The following CDH13 variants were observed in gnomAD, a reference collection of about 807,000 sequenced individuals.
CDH13 encodes the protein cadherin 13, also known as cadherin-13.
A neutral mutation model predicts 63.8 loss-of-function variants in CDH13; 24 were observed. The ratio of observed to expected loss-of-function variants is 0.38; its 90% CI spans 0.27 to 0.53. The LOEUF is 0.53. CDH13 is among the 20% of genes least tolerant of loss of function. The pLI is 0.85. For synonymous variants in CDH13, 503 were observed against 355.3 expected (o/e 1.42, Z -4.67); for missense variants, 1,049 against 903.1 (o/e 1.16, Z -2.07).
chr16:82,757,392 A>C (rs963511738), intron 1 of CDH13, among the ~76,000 whole-genome samples: 2 of 130,046 alleles, frequency 1.5e-5, no homozygotes, highest in Non-Finnish European at 3.5e-5. Context: ...CAGGTTTTCA[A>C]AGAATGCTTT....
At chr16:82,671,790 T>C (rs1436103579) in intron 1 of CDH13, among the ~76,000 whole-genome samples, 1 of 151,974 alleles carries the variant, frequency 6.6e-6, no homozygotes, top group East Asian at 2.0e-4. Flanking sequence ...TTCTTTGGGC[T>C]TCTTTTCTAT....
At chr16:82,973,610 C>T (rs963418662) in intron 2 of CDH13, among the ~76,000 whole-genome samples, 2 of 152,204 alleles carry the variant, frequency 1.3e-5, no homozygotes, top group African/African-American at 4.8e-5. Context: ...TGCAAGAATC[C>T]TGTTAAAGAC....
At chr16:83,488,044 T>C (rs1437200799) in intron 7 of CDH13, among the ~76,000 whole-genome samples, 1 of 152,238 alleles carries the variant, frequency 6.6e-6, no homozygotes, top group Non-Finnish European at 1.5e-5. Context: ...TTTCTCTTGG[T>C]CTAGACCTGA....
chr16:82,886,560 A>ATT (rs2040892025), intron 2 of CDH13, among the ~76,000 whole-genome samples: 1 of 65,264 alleles, frequency 1.5e-5, no homozygotes, highest in African/African-American at 7.7e-5. Context: ...ATATTTGTGC[A>ATT]ATTTTTTTTT....
At chr16:83,120,763 C>T (rs77595933) in intron 3 of CDH13, among the ~76,000 whole-genome samples, 48 of 60,218 alleles carry the variant, frequency 8.0e-4, no homozygotes, top group African/African-American at 1.6e-3. Flanking sequence ...AATTTTCTTT[C>T]TTTTTTTTTT....
chr16:82,895,900 C>G (rs1457205213), intron 2 of CDH13, among the ~76,000 whole-genome samples: 2 of 152,122 alleles, frequency 1.3e-5, no homozygotes, highest in Non-Finnish European at 2.9e-5. Flanking sequence ...CAAGATCAGC[C>G]TCCCCTCTGC....
chr16:83,057,077 C>T (rs141217871), intron 3 of CDH13, among the ~76,000 whole-genome samples: 2,307 of 152,258 alleles, frequency 0.015, 62 homozygotes, highest in African/African-American at 0.052. Flanking sequence ...AGTGATTCTC[C>T]TGCCTCAGCC....
intron 6 of CDH13, among the ~76,000 whole-genome samples, chr16:83,429,435 C>T (rs1331530101): frequency 6.6e-6 from 1 of 152,014 alleles, no homozygotes; most frequent in Non-Finnish European, 1.5e-5. Context: ...TTATCATGTC[C>T]CCTATGCCAG....
chr16:83,363,830 C>T (rs940359394), intron 6 of CDH13, among the ~76,000 whole-genome samples: 4 of 152,096 alleles, frequency 2.6e-5, no homozygotes, highest in African/African-American at 7.2e-5. Context: ...GTTATTAAAG[C>T]CACAGAGTTA....
At chr16:83,052,984 A>G (rs1317882926) in intron 3 of CDH13, among the ~76,000 whole-genome samples, 1 of 152,128 alleles carries the variant, frequency 6.6e-6, no homozygotes, top group Non-Finnish European at 1.5e-5. Context: ...GAGGCAATGC[A>G]GTGAGACCAT....
intron 6 of CDH13, among the ~76,000 whole-genome samples, chr16:83,359,526 C>G (rs2091121991): frequency 6.6e-6 from 1 of 152,146 alleles, no homozygotes; most frequent in Admixed American, 6.6e-5. Context: ...AATTCTAGTC[C>G]TGGCTCCTTC....
At chr16:83,195,097 T>C (rs948505633) in intron 4 of CDH13, among the ~76,000 whole-genome samples, 2 of 152,210 alleles carry the variant, frequency 1.3e-5, no homozygotes, top group Non-Finnish European at 1.5e-5. Flanking sequence ...ATGTGGAGAA[T>C]TATTTTTTTC....
At chr16:83,559,092 T>C (rs372454915) in intron 7 of CDH13, among the ~76,000 whole-genome samples, 6 of 152,174 alleles carry the variant, frequency 3.9e-5, no homozygotes, top group East Asian at 1.9e-4. Flanking sequence ...ACTGCTATCA[T>C]GTTAAGATCC....
At chr16:83,351,610 C>T (rs560401575) in intron 6 of CDH13, among the ~76,000 whole-genome samples, 4 of 152,356 alleles carry the variant, frequency 2.6e-5, no homozygotes, top group South Asian at 2.1e-4. Context: ...GATCTACCAT[C>T]GTCTCCTTAA....
chr16:82,738,156 A>T (rs1187868611), intron 1 of CDH13, among the ~76,000 whole-genome samples: 3 of 152,236 alleles, frequency 2.0e-5, no homozygotes, highest in Non-Finnish European at 4.4e-5. Flanking sequence ...GCTAAGAGTT[A>T]GTCTGCTCTC....
At chr16:83,775,729 A>G (rs72802862) in intron 11 of CDH13, among the ~76,000 whole-genome samples, 5,512 of 152,168 alleles carry the variant, frequency 0.036, 126 homozygotes, top group Non-Finnish European at 0.054. Context: ...AAAATAAAAA[A>G]AAAGAAAAAA....
intron 7 of CDH13, among the ~76,000 whole-genome samples, chr16:83,567,452 G>T (rs139052177): frequency 6.6e-6 from 1 of 152,222 alleles, no homozygotes; most frequent in African/African-American, 2.4e-5. Context: ...CACAAGAAGA[G>T]TTGCTTGCAT....
chr16:82,828,802 C>A (rs2038386750), intron 1 of CDH13, among the ~76,000 whole-genome samples: 1 of 151,824 alleles, frequency 6.6e-6, no homozygotes, highest in Non-Finnish European at 1.5e-5. Flanking sequence ...TATAAGTAAT[C>A]TAGAAATAAT....
intron 1 of CDH13, among the ~76,000 whole-genome samples, chr16:82,782,224 A>T (rs2035787613): frequency 6.6e-6 from 1 of 152,202 alleles, no homozygotes; most frequent in Admixed American, 6.5e-5. Context: ...AAGAACCAGG[A>T]TTCAGGGTGG....
Sources: allele counts gnomAD v4.1 joint callset (sites outside exome capture counted in the v4.1 genomes callset), GRCh38; gene constraint gnomAD v4.1.1; transcripts MANE v1.5; gene names NCBI Gene and HGNC (gene_info 2026-07-23, HGNC 2026-07-21).